MYT1L: variants seen among roughly 807,000 people sequenced by gnomAD.
The protein encoded by MYT1L is myelin transcription factor 1 like, also known as myelin transcription factor 1-like protein.
MYT1L carries 12 observed loss-of-function variants against 126.7 expected under a neutral mutation model. The observed-to-expected ratio is 0.09, with a 90% CI of 0.06 to 0.15. The LOEUF (loss-of-function observed/expected upper bound fraction) is 0.15. Among genes scored for constraint, MYT1L ranks in the 10% least tolerant of loss-of-function variants. The probability of loss-of-function intolerance (pLI) is 1.00; values close to 1 mark genes in which losing one functional copy is unlikely to be tolerated. For missense variants in MYT1L, 979 were observed against 1,585.2 expected, an observed-to-expected ratio of 0.62 and a Z score of 6.49; for synonymous variants, 541 against 604.2, an observed-to-expected ratio of 0.90 and a Z score of 1.53.
At chr2:1,812,322 AATGAAAAGAATGTGT>A (rs932092532) in intron 21 of MYT1L, among the ~76,000 whole-genome samples, 8 of 152,250 alleles carry the variant, frequency 5.3e-5, no homozygotes, top group Non-Finnish European at 8.8e-5. Context: ...TGTGAAGTTT[AATGAAAAGAATGTGT>A]ATTCTTGAGG....
intron 8 of MYT1L, among the ~76,000 whole-genome samples, chr2:1,944,405 C>T (rs923956788): frequency 3.9e-5 from 6 of 152,076 alleles, no homozygotes; most frequent in African/African-American, 7.2e-5. Context: ...GGCAAACTAC[C>T]GCAGGCAAAT....
chr2:2,081,595 A>G (rs1042979681), intron 3 of MYT1L, among the ~76,000 whole-genome samples: 3 of 152,206 alleles, frequency 2.0e-5, no homozygotes, highest in Non-Finnish European at 4.4e-5. Flanking sequence ...ATGTCATTCA[A>G]TTGTTTACAA....
rs537719283 is a variant in MYT1L at position 1,805,106 on chromosome 2, G to A, written c.3173-3307C>T. Among the ~76,000 whole-genome samples, 6 of 152,254 alleles carry A rather than the reference G, an allele frequency of 3.9e-5. No homozygotes were observed. In the South Asian group the frequency reaches 1.2e-3, roughly 32 times the overall value. On this transcript the variant is annotated intron_variant, in intron 22 of 24. Transcript: ENST00000647738. ...CTCAGGCAGAGCTGAGTACTAATGC[G>A]TGATGAGATCACTCCACGGATAAAG... is the stretch of plus-strand genomic sequence containing the variant.
chr2:2,215,917 C>G (rs1294788925), intron 2 of MYT1L, among the ~76,000 whole-genome samples: 1 of 152,124 alleles, frequency 6.6e-6, no homozygotes, highest in Non-Finnish European at 1.5e-5. Context: ...AGGGGTGGAT[C>G]CCTCATGGCA....
Position 1,887,658 on chromosome 2 carries a change from A to G in MYT1L, c.2521-49T>C, listed in dbSNP as rs1558281185. ...AGCCACACGGATGATCACATGGCACACAGACTGAGGGAGGTGGTTCGTGGC... is the reference window on the plus strand; with the variant it reads ...AGCCACACGGATGATCACATGGCACGCAGACTGAGGGAGGTGGTTCGTGGC... On this transcript the variant is annotated intron_variant, in intron 16 of 24. Coordinates refer to ENST00000647738, the MANE Select transcript of MYT1L (RefSeq NM_001303052.2). This position sits in a 1 kb window ranked among gnomAD's most constrained non-coding sequence, Gnocchi z 4.8. The G allele has an allele frequency of 6.8e-6, 11 of 1,613,262 alleles. No individual in the cohort carries two copies. Among genetic ancestry groups the G allele is most frequent in the Non-Finnish European group, 9.3e-6 (11 of 1,179,568 alleles).
intron 3 of MYT1L, among the ~76,000 whole-genome samples, chr2:2,118,716 A>C (rs1268757769): frequency 3.3e-5 from 5 of 152,246 alleles, no homozygotes; most frequent in Admixed American, 3.3e-4. Flanking sequence ...TTTTTCAGTG[A>C]AACTTGAATT....
Position 1,848,103 on chromosome 2 carries a change from C to T in MYT1L, c.2774+3538G>A, listed in dbSNP as rs1235984666. Among the ~76,000 whole-genome samples, 6 of 152,174 alleles carry T rather than the reference C, an allele frequency of 3.9e-5. No individual in the cohort carries two copies. Among genetic ancestry groups the T allele is most frequent in the African/African-American group, 1.4e-4 (6 of 41,442 alleles). ...AGTTAATGAAATCGCTAATTCTCAG[C>T]GCATCTGTGGAGATGGTGGAGGACA... On this transcript the variant is annotated intron_variant, in intron 19 of 24. Transcript: ENST00000647738. This position sits in a 1 kb window ranked among gnomAD's most constrained non-coding sequence, Gnocchi z 4.8.
intron 23 of MYT1L, among the ~76,000 whole-genome samples, chr2:1,794,602 G>A (rs2147815548): frequency 6.6e-6 from 1 of 152,232 alleles, no homozygotes; most frequent in South Asian, 2.1e-4. Flanking sequence ...AAAATTCTTG[G>A]GGACACATTT....
intron 3 of MYT1L, among the ~76,000 whole-genome samples, chr2:2,143,516 G>A (rs928894278): frequency 6.6e-6 from 1 of 152,076 alleles, no homozygotes; most frequent in African/African-American, 2.4e-5. Flanking sequence ...AGTCCTCTCA[G>A]GGGGTAGGAG....
chr2:2,330,189 A>G (rs1559697122), intron 1 of MYT1L, among the ~76,000 whole-genome samples: 1 of 152,074 alleles, frequency 6.6e-6, no homozygotes, highest in Non-Finnish European at 1.5e-5. Context: ...AAACATTTGA[A>G]CAAAAAGGCT....
intron 21 of MYT1L, 95 bp from the exon 22 acceptor site, chr2:1,809,262 AGGTT>A: frequency 8.2e-7 from 1 of 1,214,514 alleles, no homozygotes; most frequent in Non-Finnish European, 1.2e-6. Flanking sequence ...TAGCATTATT[AGGTT>A]GGTTGCCAGC....
intron 2 of MYT1L, among the ~76,000 whole-genome samples, chr2:2,278,143 A>G (rs1442933955): frequency 6.6e-6 from 1 of 152,242 alleles, no homozygotes; most frequent in African/African-American, 2.4e-5. Flanking sequence ...GGTAGTGGCC[A>G]TATTTGTGCT....
intron 2 of MYT1L, among the ~76,000 whole-genome samples, chr2:2,276,825 C>G (rs2095366903): frequency 6.6e-6 from 1 of 152,142 alleles, no homozygotes. Context: ...GATGCTGGAG[C>G]CTGTTACTCC....
rs2149725735 is a variant in MYT1L at position 2,325,644 on chromosome 2, C to T, written c.-521+5323G>A. ...GTTTCACTCTCTGCAAACCTCTCTC[C>T]TATAACACTCACCGCTATGAAAGGC... is the stretch of plus-strand genomic sequence containing the variant. On this transcript the variant is annotated intron_variant, in intron 1 of 24. Transcript: ENST00000647738. 1.3e-5 allele frequency: 2 copies of T among 152,348 alleles called. 1 individual carries two copies. The highest frequency in any genetic ancestry group is 6.8e-3 in the Middle Eastern group (2 of 294). 9.4% of individuals were successfully genotyped at this position (152,348 alleles called of 1,614,324 possible).
At chr2:2,029,700 T>C (rs1436820988) in intron 4 of MYT1L, among the ~76,000 whole-genome samples, 1 of 152,240 alleles carries the variant, frequency 6.6e-6, no homozygotes, top group Non-Finnish European at 1.5e-5. Flanking sequence ...TAGGTTTATG[T>C]ACATACAATA....
At chr2:2,139,191 C>A (rs1266911810) in intron 3 of MYT1L, among the ~76,000 whole-genome samples, 1 of 152,000 alleles carries the variant, frequency 6.6e-6, no homozygotes, top group Non-Finnish European at 1.5e-5. Flanking sequence ...CCATACACGT[C>A]CCCTGACTGC....
chr2:2,146,617 G>A (rs1322193387), intron 3 of MYT1L, among the ~76,000 whole-genome samples: 1 of 152,154 alleles, frequency 6.6e-6, no homozygotes, highest in African/African-American at 2.4e-5. Context: ...TCCAAAGGAG[G>A]GCCGGCTTGT....
At chr2:2,046,233 C>T (rs925499470) in intron 4 of MYT1L, among the ~76,000 whole-genome samples, 5 of 152,166 alleles carry the variant, frequency 3.3e-5, no homozygotes, top group Non-Finnish European at 5.9e-5. Context: ...CAAGCATCTA[C>T]GTATACATAC....
intron 3 of MYT1L, among the ~76,000 whole-genome samples, chr2:2,070,623 C>T (rs1455438905): frequency 6.6e-6 from 1 of 152,206 alleles, no homozygotes; most frequent in Admixed American, 6.5e-5. Flanking sequence ...TTTATTGTGT[C>T]ACGTACACCA....
Sources: allele counts gnomAD v4.1 joint callset (sites outside exome capture counted in the v4.1 genomes callset), GRCh38; gene constraint gnomAD v4.1.1; non-coding constraint Gnocchi (gnomAD v3.1); transcripts MANE v1.5; gene names NCBI Gene and HGNC (gene_info 2026-07-23, HGNC 2026-07-21).